The following LYN variants were observed in gnomAD, a reference collection of about 807,000 sequenced individuals.
The protein encoded by LYN is tyrosine-protein kinase Lyn.
A neutral mutation model predicts 65.0 loss-of-function variants in LYN; 12 were observed. That is an observed-to-expected ratio of 0.18 (90% CI 0.12 to 0.30). LYN has a LOEUF of 0.30. Ranked by LOEUF, LYN falls within the 10% of genes least tolerant of loss-of-function variation. The pLI is 1.00. For synonymous variants in LYN, 222 were observed against 221.2 expected (o/e 1.00, Z -0.03); for missense variants, 380 against 623.2 (o/e 0.61, Z 4.16).
At chr8:55,996,855 C>T (rs1056620925) in intron 10 of LYN, among the ~76,000 whole-genome samples, 7 of 151,978 alleles carry the variant, frequency 4.6e-5, no homozygotes, top group East Asian at 1.9e-4. Flanking sequence ...TCTTGCCGGG[C>T]GTGGTGGCTC....
intron 1 of LYN, among the ~76,000 whole-genome samples, chr8:55,932,964 G>A (rs550818107): frequency 6.6e-6 from 1 of 152,184 alleles, no homozygotes; most frequent in African/African-American, 2.4e-5. Context: ...GACTACTAAA[G>A]TGGGGGAGGG....
chr8:55,901,688 A>G (rs1273977597), intron 1 of LYN, among the ~76,000 whole-genome samples: 1 of 152,026 alleles, frequency 6.6e-6, no homozygotes, highest in African/African-American at 2.4e-5. Flanking sequence ...ACTTCAGGAA[A>G]CCCTACCTGG....
chr8:55,914,022 T>C (rs757417465), intron 1 of LYN, among the ~76,000 whole-genome samples: 4 of 151,892 alleles, frequency 2.6e-5, no homozygotes, highest in Non-Finnish European at 4.4e-5. Context: ...AGGGGAGAGA[T>C]GAAATCATGG....
chr8:55,909,885 T>C (rs1805547257), intron 1 of LYN, among the ~76,000 whole-genome samples: 1 of 152,158 alleles, frequency 6.6e-6, no homozygotes. Flanking sequence ...ATGTTGAGGA[T>C]TTTTTTCATA....
chr8:55,893,167 G>A (rs1228894291), intron 1 of LYN, among the ~76,000 whole-genome samples: 3 of 152,172 alleles, frequency 2.0e-5, no homozygotes, highest in African/African-American at 7.2e-5. Flanking sequence ...TTACCCTGGC[G>A]ATTCAGTTGC....
intron 10 of LYN, among the ~76,000 whole-genome samples, chr8:55,987,397 A>G (rs984201692): frequency 1.2e-4 from 17 of 147,294 alleles, no homozygotes; most frequent in Admixed American, 1.4e-4. Context: ...ACAGAGTGAG[A>G]CTTCATCTCA....
At chr8:55,885,813 AG>A (rs1029400666) in intron 1 of LYN, among the ~76,000 whole-genome samples, 1 of 152,194 alleles carries the variant, frequency 6.6e-6, no homozygotes, top group Non-Finnish European at 1.5e-5. Flanking sequence ...GAGGCAGGCA[AG>A]GAAGTGATAC....
chr8:55,885,646 T>C lies in LYN; in HGVS notation c.-6+5543T>C, dbSNP rs541675536. The stretch of plus-strand genomic sequence containing the variant: ...TTTGGGTCTCTGGGTGCCCCCACTC[T>C]TCCTGTAAATGTTAACCCCCACGGA... On this transcript the variant is annotated intron_variant, in intron 1 of 12. Coordinates refer to ENST00000519728, the MANE Select transcript of LYN (RefSeq NM_002350.4). 8.5e-5 allele frequency among the ~76,000 whole-genome samples: 13 copies of C among 152,306 alleles called. No individual in the cohort carries two copies. The East Asian group carries it at 2.1e-3, about 25-fold the overall frequency.
intron 1 of LYN, among the ~76,000 whole-genome samples, chr8:55,905,639 A>G (rs1445382797): frequency 6.6e-6 from 1 of 152,118 alleles, no homozygotes; most frequent in Non-Finnish European, 1.5e-5. Flanking sequence ...ATAGTTTCCC[A>G]GGGTTGGAGT....
chr8:55,908,989 G>GTGTATATC (rs1379592685), intron 1 of LYN, among the ~76,000 whole-genome samples: 1 of 20,398 alleles, frequency 4.9e-5, no homozygotes, highest in Non-Finnish European at 8.5e-5. Flanking sequence ...CATTGTGTAT[G>GTGTATATC]TATATATATA....
intron 10 of LYN, among the ~76,000 whole-genome samples, chr8:55,978,756 G>A (rs1807833182): frequency 6.6e-6 from 1 of 152,188 alleles, no homozygotes; most frequent in Non-Finnish European, 1.5e-5. Context: ...AGAGAGCAGG[G>A]AAACTGCCAC....
At chr8:55,896,676 A>C (rs74655847) in intron 1 of LYN, among the ~76,000 whole-genome samples, 3,285 of 152,240 alleles carry the variant, frequency 0.022, 62 homozygotes, top group East Asian at 0.093. Context: ...AAAAAAAAGA[A>C]ACATAGAATA....
chr8:55,990,208 C>A (rs1036949669), intron 10 of LYN, among the ~76,000 whole-genome samples: 14 of 130,756 alleles, frequency 1.1e-4, no homozygotes. Context: ...CACTGCACTC[C>A]AGCCTGGGTG....
chr8:55,944,543 C>T (rs1806720912), intron 2 of LYN, among the ~76,000 whole-genome samples: 1 of 152,098 alleles, frequency 6.6e-6, no homozygotes, highest in Non-Finnish European at 1.5e-5. Flanking sequence ...TGCAATGGCA[C>T]CATCTCAGCT....
chr8:55,911,076 TAC>T (rs55989796), intron 1 of LYN, among the ~76,000 whole-genome samples: 1,046 of 9,338 alleles, frequency 0.11, 14 homozygotes, highest in Non-Finnish European at 0.12. Context: ...TATATATATA[TAC>T]ATACATATAT....
chr8:55,940,687 T>C (rs767865117), intron 1 of LYN, among the ~76,000 whole-genome samples: 4 of 152,214 alleles, frequency 2.6e-5, no homozygotes, highest in Non-Finnish European at 5.9e-5. Flanking sequence ...TTGTTTTTAA[T>C]GCATAGATTT....
At chr8:56,007,884 C>G (rs2668010) in intron 12 of LYN, among the ~76,000 whole-genome samples, 2 of 151,808 alleles carry the variant, frequency 1.3e-5, no homozygotes, top group Admixed American at 1.3e-4. Context: ...TTTGGGAGGC[C>G]GAGACAGGCA....
At chr8:55,929,918 T>C (rs944957588) in intron 1 of LYN, among the ~76,000 whole-genome samples, 1 of 152,210 alleles carries the variant, frequency 6.6e-6, no homozygotes, top group African/African-American at 2.4e-5. Context: ...GTCTGTGGCC[T>C]GTTAGGAACT....
chr8:55,913,747 G>A (rs537979979), intron 1 of LYN, among the ~76,000 whole-genome samples: 36 of 152,246 alleles, frequency 2.4e-4, no homozygotes, highest in African/African-American at 6.3e-4. Flanking sequence ...CTGGGGATTC[G>A]GCACAGTTTT....
Sources: allele counts gnomAD v4.1 joint callset (sites outside exome capture counted in the v4.1 genomes callset), GRCh38; gene constraint gnomAD v4.1.1; transcripts MANE v1.5; gene names NCBI Gene and HGNC (gene_info 2026-07-23, HGNC 2026-07-21).